Variants in CTNNA2 observed in about 807,000 individuals in gnomAD.
CTNNA2 encodes the protein catenin alpha-2.
Under a neutral mutation model 101.0 loss-of-function variants are expected in CTNNA2, and 42 were observed. That is an observed-to-expected ratio of 0.42 (90% CI 0.32 to 0.54). CTNNA2 has a LOEUF of 0.54. Ranked by LOEUF, CTNNA2 falls within the 20% of genes least tolerant of loss-of-function variation. CTNNA2 has a pLI of 0.14. For synonymous variants in CTNNA2, 450 were observed against 456.4 expected, an observed-to-expected ratio of 0.99 and a Z score of 0.18; for missense variants, 871 against 1,223.1, an observed-to-expected ratio of 0.71 and a Z score of 4.29.
intron 15 of CTNNA2, among the ~76,000 whole-genome samples, chr2:80,597,779 A>C (rs572682168): frequency 6.6e-6 from 1 of 152,370 alleles, no homozygotes; most frequent in Admixed American, 6.5e-5. Flanking sequence ...ATACCATCTC[A>C]TGCCAGTCAG....
chr2:79,859,200 G>A (rs1198602717), intron 4 of CTNNA2, among the ~76,000 whole-genome samples: 1 of 151,878 alleles, frequency 6.6e-6, no homozygotes, highest in Non-Finnish European at 1.5e-5. Context: ...GCTGTCCTGG[G>A]CATTCCTGGA....
chr2:79,732,382 A>T (rs550546437), intron 2 of CTNNA2, among the ~76,000 whole-genome samples: 1 of 152,222 alleles, frequency 6.6e-6, no homozygotes, highest in South Asian at 2.1e-4. Context: ...AGCAATTCAT[A>T]GAAAAAAGTG....
chr2:79,430,409 T>C (rs751265584), intron 4 of CTNNA2, among the ~76,000 whole-genome samples: 3 of 152,084 alleles, frequency 2.0e-5, no homozygotes, highest in Non-Finnish European at 4.4e-5. Context: ...TAAGAGAAAA[T>C]GTGTTATAAA....
chr2:80,129,787 C>T (rs938293425), intron 7 of CTNNA2, among the ~76,000 whole-genome samples: 6 of 152,098 alleles, frequency 3.9e-5, no homozygotes, highest in Non-Finnish European at 8.8e-5. Context: ...GATGGAAATT[C>T]CTTTGGAACC....
At chr2:80,018,064 T>C (rs910200666) in intron 7 of CTNNA2, among the ~76,000 whole-genome samples, 4 of 152,230 alleles carry the variant, frequency 2.6e-5, no homozygotes, top group Non-Finnish European at 5.9e-5. Context: ...ATGTTCATGA[T>C]TAATTTGTAA....
At chr2:79,575,791 C>T (rs1270131712) in intron 1 of CTNNA2, among the ~76,000 whole-genome samples, 4 of 152,152 alleles carry the variant, frequency 2.6e-5, no homozygotes, top group Non-Finnish European at 5.9e-5. Flanking sequence ...ATGGAAAGAG[C>T]CTGCTTGGAT....
intron 7 of CTNNA2, among the ~76,000 whole-genome samples, chr2:80,127,463 C>T (rs139133613): frequency 6.6e-6 from 1 of 152,126 alleles, no homozygotes; most frequent in Non-Finnish European, 1.5e-5. Context: ...GCCTTTCCCT[C>T]CAACCATCTA....
chr2:79,248,754 G>A (rs1558586442), intron 2 of CTNNA2, among the ~76,000 whole-genome samples: 1 of 152,150 alleles, frequency 6.6e-6, no homozygotes, highest in Non-Finnish European at 1.5e-5. Flanking sequence ...ACATAGCACT[G>A]GATTGACTCA....
At chr2:79,319,272 C>G (rs1676564289) in intron 3 of CTNNA2, among the ~76,000 whole-genome samples, 1 of 152,146 alleles carries the variant, frequency 6.6e-6, no homozygotes, top group African/African-American at 2.4e-5. Flanking sequence ...CCTCAGCACC[C>G]TACTGATTCA....
At chr2:79,582,014 C>T (rs1448600691) in intron 1 of CTNNA2, among the ~76,000 whole-genome samples, 2 of 152,160 alleles carry the variant, frequency 1.3e-5, no homozygotes, top group East Asian at 3.8e-4. Context: ...AGATAATATA[C>T]ACAGACTGTA....
chr2:79,835,489 T>G (rs943597289), intron 3 of CTNNA2, among the ~76,000 whole-genome samples: 1 of 151,998 alleles, frequency 6.6e-6, no homozygotes. Context: ...CTAGCTTGGC[T>G]TGTTCATTGG....
intron 1 of CTNNA2, among the ~76,000 whole-genome samples, chr2:79,191,233 T>C (rs1227051380): frequency 6.6e-6 from 1 of 152,196 alleles, no homozygotes; most frequent in Non-Finnish European, 1.5e-5. Context: ...AGAACAAAGT[T>C]AGTCTCCAAT....
chr2:80,232,162 T>C (rs554351767), intron 7 of CTNNA2, among the ~76,000 whole-genome samples: 17 of 152,124 alleles, frequency 1.1e-4, no homozygotes, highest in Non-Finnish European at 2.1e-4. Context: ...ACGTCACATG[T>C]ATTGATTAAC....
intron 9 of CTNNA2, among the ~76,000 whole-genome samples, chr2:80,429,262 A>G (rs1258672583): frequency 6.6e-6 from 1 of 152,194 alleles, no homozygotes; most frequent in Non-Finnish European, 1.5e-5. Flanking sequence ...GGGTTTTAAA[A>G]TTAACTATTT....
chr2:79,590,160 C>T lies in CTNNA2; in HGVS notation c.-5-61392C>T, dbSNP rs375245517. ...AAACCGTTTTCTTTTGTCATGCCTG[C>T]TGTGACTGCTCCTTTGAGGAGGCGG... is the stretch of plus-strand genomic sequence containing the variant. On this transcript the variant is annotated intron_variant, in intron 1 of 18. Transcript: ENST00000402739. Among the ~76,000 whole-genome samples, 16 of 152,294 alleles carry T rather than the reference C, an allele frequency of 1.1e-4. No homozygotes were observed. The East Asian group carries it at 1.4e-3, about 13-fold the overall frequency.
intron 7 of CTNNA2, among the ~76,000 whole-genome samples, chr2:80,121,714 A>G (rs571393553): frequency 1.3e-5 from 2 of 152,326 alleles, no homozygotes; most frequent in Non-Finnish European, 2.9e-5. Context: ...GGTTTCATTA[A>G]TCAGAGAGAA....
At chr2:79,989,965 C>A (rs1207963153) in intron 7 of CTNNA2, among the ~76,000 whole-genome samples, 1 of 152,126 alleles carries the variant, frequency 6.6e-6, no homozygotes, top group Admixed American at 6.5e-5. Flanking sequence ...CCGATTCATA[C>A]CCCTAGCAGC....
intron 12 of CTNNA2, among the ~76,000 whole-genome samples, chr2:80,566,548 C>G (rs1006216490): frequency 6.6e-6 from 1 of 152,134 alleles, no homozygotes. Flanking sequence ...TTAATAAGGA[C>G]ATATTCAAAT....
At chr2:79,297,403 C>G (rs1229880669) in intron 2 of CTNNA2, among the ~76,000 whole-genome samples, 1 of 152,136 alleles carries the variant, frequency 6.6e-6, no homozygotes, top group Non-Finnish European at 1.5e-5. Flanking sequence ...CAGTCACTCT[C>G]TTACATTTGA....
Sources: allele counts gnomAD v4.1 joint callset (sites outside exome capture counted in the v4.1 genomes callset), GRCh38; gene constraint gnomAD v4.1.1; transcripts MANE v1.5; gene names NCBI Gene and HGNC (gene_info 2026-07-23, HGNC 2026-07-21).